The following LARP1 variants were observed in gnomAD, a reference collection of about 807,000 sequenced individuals.
LARP1 encodes La ribonucleoprotein 1, translational regulator, also known as la-related protein 1.
LARP1 carries 36 observed loss-of-function variants against 122.7 expected under a neutral mutation model. The observed-to-expected ratio is 0.29, with a 90% confidence interval of 0.22 to 0.39. LARP1 has a LOEUF of 0.39. Among genes scored for constraint, LARP1 ranks in the 10% least tolerant of loss-of-function variants. LARP1 has a pLI of 1.00. For missense variants in LARP1, 1,040 were observed against 1,403.6 expected, an observed-to-expected ratio of 0.74 and a Z score of 4.14; for synonymous variants, 539 against 528.7, an observed-to-expected ratio of 1.02 and a Z score of -0.27.
At chr5:154,721,031 C>G (rs903966946) in intron 1 of LARP1, among the ~76,000 whole-genome samples, 8 of 151,422 alleles carry the variant, frequency 5.3e-5, no homozygotes, top group Non-Finnish European at 1.0e-4. Flanking sequence ...TCATATGATT[C>G]CATTGTCTTA....
rs752305484 is a variant in LARP1 at position 154,790,319 on chromosome 5, C to T, written c.437-6C>T. On this transcript the variant is annotated splice_polypyrimidine_tract_variant and splice_region_variant and intron_variant, in intron 1 of 18. Coordinates refer to ENST00000518297, the MANE Select transcript of LARP1 (RefSeq NM_033551.3). ...CATTACTAACTCTCCCTTCTTGTTC[C>T]CACAGAACACTCTGCTCCAGCCAAG... 68 of 1,612,478 alleles carry T rather than the reference C, an allele frequency of 4.2e-5. No individual in the cohort carries two copies. The highest frequency in any genetic ancestry group is 5.5e-5 in the Non-Finnish European group (65 of 1,179,242).
chr5:154,689,436 G>A (rs1320515719), intron 1 of LARP1, among the ~76,000 whole-genome samples: 1 of 151,638 alleles, frequency 6.6e-6, no homozygotes. Context: ...AAACGACAGT[G>A]TGAAACTCTG....
intron 1 of LARP1, among the ~76,000 whole-genome samples, chr5:154,787,335 A>G (rs1238803753): frequency 6.6e-6 from 1 of 152,120 alleles, no homozygotes; most frequent in African/African-American, 2.4e-5. Flanking sequence ...TGCCTGTGCA[A>G]AGGATTGGTT....
rs762711574 is a variant in LARP1, at chr5:154,799,576, TCTC to T, written c.1378-10_1378-8del. 2.5e-6 allele frequency: 4 copies of T among 1,612,708 alleles called. No individual in the cohort carries two copies. The highest frequency in any genetic ancestry group is 2.7e-5 in the African/African-American group (2 of 74,982). On this transcript the variant is annotated splice_polypyrimidine_tract_variant and intron_variant, in intron 8 of 18. Transcript: ENST00000518297. ...ATTTTCTTCTTAATCCCCTCTTCCTTCTCCTCCCCTTCAGGCCCTAAAGGACAG... is the reference window on the plus strand; with the variant it reads ...ATTTTCTTCTTAATCCCCTCTTCCTTCTCCCCTTCAGGCCCTAAAGGACAG...
In LARP1 at chr5:154,803,493, G is replaced by C; in HGVS notation, c.2234-47G>C. Reference sequence around the variant, plus strand: ...GACTGGGGGCTATCCTGGGGTGGATGCCACAGGCCTTTCCCTGCTTCCTGA... The same window carrying C: ...GACTGGGGGCTATCCTGGGGTGGATCCCACAGGCCTTTCCCTGCTTCCTGA... On this transcript the variant is annotated intron_variant, in intron 12 of 18. Transcript: ENST00000518297. This position sits in a 1 kb window ranked among gnomAD's most constrained non-coding sequence, Gnocchi z 4.4. 1 of 1,613,792 alleles carries C rather than the reference G, an allele frequency of 6.2e-7. No homozygotes were observed. Among genetic ancestry groups the C allele is most frequent in the African/African-American group, 1.3e-5 (1 of 75,002 alleles).
At chr5:154,749,316 G>T (rs1274033340) in intron 1 of LARP1, among the ~76,000 whole-genome samples, 1 of 152,166 alleles carries the variant, frequency 6.6e-6, no homozygotes, top group African/African-American at 2.4e-5. Context: ...GAAGAGGCTG[G>T]GATGGTGCTT....
chr5:154,780,087 C>T (rs114317289), intron 1 of LARP1, among the ~76,000 whole-genome samples: 10 of 152,014 alleles, frequency 6.6e-5, no homozygotes, highest in Admixed American at 6.6e-4. Context: ...AGTTGCTACT[C>T]GAGAACTCCA....
chr5:154,766,653 T>C (rs775324004), intron 1 of LARP1, among the ~76,000 whole-genome samples: 2 of 152,214 alleles, frequency 1.3e-5, no homozygotes, highest in African/African-American at 4.8e-5. Context: ...TGGGGCAGGC[T>C]TCCAGGTGGC....
intron 1 of LARP1, among the ~76,000 whole-genome samples, chr5:154,691,583 G>A (rs1175279014): frequency 1.1e-4 from 17 of 152,196 alleles, no homozygotes; most frequent in Admixed American, 1.1e-3. Context: ...CCGGGATCCT[G>A]CGGAGACTCA....
At chr5:154,720,290 G>T (rs1755783737) in intron 1 of LARP1, among the ~76,000 whole-genome samples, 1 of 152,132 alleles carries the variant, frequency 6.6e-6, no homozygotes, top group Non-Finnish European at 1.5e-5. Flanking sequence ...AAATATCTGT[G>T]ATTTCTTTTG....
chr5:154,746,004 C>T (rs1040226983), intron 1 of LARP1, among the ~76,000 whole-genome samples: 1 of 152,084 alleles, frequency 6.6e-6, no homozygotes, highest in African/African-American at 2.4e-5. Flanking sequence ...CCATGTTGGC[C>T]GGCCAGGATA....
intron 1 of LARP1, among the ~76,000 whole-genome samples, chr5:154,784,594 C>G (rs1756736130): frequency 6.6e-6 from 1 of 152,216 alleles, no homozygotes; most frequent in Non-Finnish European, 1.5e-5. Context: ...GGTAGTCCTT[C>G]TAGTCACCCA....
intron 1 of LARP1, among the ~76,000 whole-genome samples, chr5:154,771,069 G>C (rs554619875): frequency 1.3e-5 from 2 of 149,840 alleles, no homozygotes; most frequent in African/African-American, 5.0e-5. Context: ...CCAAGATCGC[G>C]CCACTGCCCT....
chr5:154,756,183 G>A lies in LARP1; in HGVS notation c.426G>A (p.Gln142=). 1.5e-6 allele frequency: 2 copies of A among 1,303,942 alleles called. No homozygotes were observed. Among genetic ancestry groups the A allele is most frequent in the Middle Eastern group, 2.2e-4 (1 of 4,450 alleles). The allele number at this position is 1,303,942 out of a possible 1,614,324, so 80.8% of individuals were successfully genotyped here. ...LPPVLTTVNG[Q]SPPEHSAPAK... ...CGGTCCTGACCACCGTGAACGGACA[G>A]TCCCCCCCAGGTGGGTCTCCCTCCT... The change falls in exon 1 of 19, where the codon CAG becomes CAA. Residue 142 remains glutamine (Q), a synonymous_variant. Coordinates refer to ENST00000518297, the MANE Select transcript of LARP1 (RefSeq NM_033551.3).
intron 1 of LARP1, among the ~76,000 whole-genome samples, chr5:154,723,329 T>A (rs1359765191): frequency 6.6e-6 from 1 of 152,162 alleles, no homozygotes; most frequent in Non-Finnish European, 1.5e-5. Flanking sequence ...GGGCCATAAG[T>A]GGCCAGGTGG....
chr5:154,707,328 C>T (rs1325759319), intron 1 of LARP1, among the ~76,000 whole-genome samples: 1 of 152,176 alleles, frequency 6.6e-6, no homozygotes, highest in African/African-American at 2.4e-5. Context: ...CAACCCCTTG[C>T]AGTTATTTTC....
chr5:154,814,006 C>G lies in LARP1; in HGVS notation c.3201C>G (p.Ser1067Arg). The G allele has an allele frequency of 1.2e-6, 2 of 1,614,072 alleles. No individual in the cohort carries two copies. Among genetic ancestry groups the G allele is most frequent in the South Asian group, 2.2e-5 (2 of 91,078 alleles). Residue 1067 changes from serine to arginine, a missense_variant, in exon 19 of 19, where the codon AGC (serine) becomes AGG (arginine). Physicochemically the swap from Ser to Arg is moderately radical, Grantham distance 110. Transcript: ENST00000518297. Reference sequence around the variant, plus strand: ...CCAGCAGGCCTGCTGCCATGATCAGCCAACCCCCTACACCACCCACCGGCC... The same window carrying G: ...CCAGCAGGCCTGCTGCCATGATCAGGCAACCCCCTACACCACCCACCGGCC... ...QSSSRPAAMI[S>R]QPPTPPTGQP...
At chr5:154,757,013 G>A (rs1367105747) in intron 1 of LARP1, among the ~76,000 whole-genome samples, 1 of 148,554 alleles carries the variant, frequency 6.7e-6, no homozygotes, top group Non-Finnish European at 1.5e-5. Flanking sequence ...GCCATGCGCC[G>A]CGCCGGCGGC....
intron 1 of LARP1, among the ~76,000 whole-genome samples, chr5:154,748,286 T>C (rs1326885270): frequency 6.6e-6 from 1 of 152,236 alleles, no homozygotes; most frequent in Non-Finnish European, 1.5e-5. Context: ...GAAGTGATCC[T>C]GTATTCACTC....
Sources: gnomAD v4.1 joint callset for allele counts (sites outside exome capture counted in the v4.1 genomes callset) on GRCh38, gnomAD v4.1.1 for gene constraint, Gnocchi (gnomAD v3.1) non-coding constraint, MANE v1.5 for transcripts, NCBI Gene and HGNC (gene_info 2026-07-23, HGNC 2026-07-21) for gene names.